The following BZW2 variants were observed in gnomAD, a reference collection of about 807,000 sequenced individuals.
BZW2 encodes the protein basic leucine zipper and W2 domains 2, also known as eIF5-mimic protein 1.
A neutral mutation model predicts 53.2 loss-of-function variants in BZW2; 23 were observed. That is an observed-to-expected ratio of 0.43 (90% CI 0.31 to 0.61). BZW2 has a LOEUF of 0.61. BZW2 is among the 20% of genes least tolerant of loss of function. BZW2 has a pLI of 0.09. For missense variants in BZW2, 409 were observed against 503.1 expected (o/e 0.81, Z 1.79); for synonymous variants, 227 against 186.4 (o/e 1.22, Z -1.77).
chr7:16,666,104 A>AT (rs1782417382), intron 2 of BZW2, among the ~76,000 whole-genome samples: 1 of 151,834 alleles, frequency 6.6e-6, no homozygotes, highest in Non-Finnish European at 1.5e-5. Flanking sequence ...TATTTTATAT[A>AT]TTTTTTTAGA....
chr7:16,678,952 CA>C lies in BZW2; in HGVS notation c.236-2347del, dbSNP rs1275572432. On this transcript the variant is annotated intron_variant, in intron 3 of 11. Coordinates refer to ENST00000258761, the MANE Select transcript of BZW2 (RefSeq NM_014038.3). ...ATGCTTCAAAGGCAATAAAATATCA[CA>C]AGGCAGATGGGGGCAGAGCAAGATC... Among the ~76,000 whole-genome samples, 20 of 152,150 alleles carry C rather than the reference CA, an allele frequency of 1.3e-4. No individual in the cohort carries two copies. The East Asian group carries it at 3.1e-3, about 24-fold the overall frequency.
chr7:16,658,671 T>C (rs1253594426), intron 1 of BZW2, among the ~76,000 whole-genome samples: 4 of 151,864 alleles, frequency 2.6e-5, no homozygotes, highest in African/African-American at 4.8e-5. Context: ...GGTCAGGAGA[T>C]TGAGATCAGC....
At chr7:16,662,358 C>T (rs774067735) in intron 1 of BZW2, 2 of 152,018 alleles carry the variant, frequency 1.3e-5, no homozygotes, top group African/African-American at 4.8e-5. Flanking sequence ...TGGAATGTAT[C>T]GAGGGTATGA....
chr7:16,663,940 C>G (rs1449092127), intron 1 of BZW2, among the ~76,000 whole-genome samples: 1 of 152,100 alleles, frequency 6.6e-6, no homozygotes, highest in African/African-American at 2.4e-5. Flanking sequence ...GTATAAAGTA[C>G]TCAAATCCCT....
intron 3 of BZW2, among the ~76,000 whole-genome samples, chr7:16,679,463 C>A (rs556626574): frequency 6.6e-6 from 1 of 152,274 alleles, no homozygotes; most frequent in African/African-American, 2.4e-5. Context: ...TGAAAATAGA[C>A]TCTTGAAGGG....
At position 16,666,382 on chromosome 7, in the gene BZW2, A is replaced by G. The variant is rs534663358; in HGVS notation, c.58+881A>G. On this transcript the variant is annotated intron_variant, in intron 2 of 11. Coordinates refer to ENST00000258761, the MANE Select transcript of BZW2 (RefSeq NM_014038.3). ...GTGAGCCACTGCACCTGGCCTGTAT[A>G]AAAGACTTTTATTTATTTATTTATT... 3.2e-4 allele frequency among the ~76,000 whole-genome samples: 34 copies of G among 107,394 alleles called. No individual in the cohort carries two copies. The East Asian group carries it at 7.2e-3, about 23-fold the overall frequency. 70.5% of individuals were successfully genotyped at this position (107,394 alleles called of 152,430 possible).
intron 7 of BZW2, among the ~76,000 whole-genome samples, chr7:16,690,389 G>A (rs1490759375): frequency 1.3e-5 from 2 of 151,912 alleles, no homozygotes; most frequent in African/African-American, 4.8e-5. Context: ...TTTTTTAATA[G>A]AGACGGGGTT....
At chr7:16,650,855 G>A (rs1171880993) in intron 1 of BZW2, among the ~76,000 whole-genome samples, 1 of 152,156 alleles carries the variant, frequency 6.6e-6, no homozygotes, top group East Asian at 1.9e-4. Flanking sequence ...AGTGAAGAGT[G>A]CCAAAATTGT....
chr7:16,670,850 C>T (rs1200912148), intron 2 of BZW2, among the ~76,000 whole-genome samples: 2 of 152,158 alleles, frequency 1.3e-5, no homozygotes, highest in Non-Finnish European at 2.9e-5. Flanking sequence ...GACTTTTTAT[C>T]TCTTGTTCAT....
intron 3 of BZW2, among the ~76,000 whole-genome samples, chr7:16,675,919 A>G (rs1296510162): frequency 6.6e-6 from 1 of 152,102 alleles, no homozygotes; most frequent in Non-Finnish European, 1.5e-5. Flanking sequence ...GTGTCTATAA[A>G]AAAATACAAA....
At chr7:16,663,231 A>G (rs576671588) in intron 1 of BZW2, among the ~76,000 whole-genome samples, 12 of 152,290 alleles carry the variant, frequency 7.9e-5, no homozygotes, top group East Asian at 1.9e-4. Flanking sequence ...TAAGCAATCA[A>G]TTACTTTATT....
At chr7:16,670,392 T>C (rs1199176351) in intron 2 of BZW2, among the ~76,000 whole-genome samples, 1 of 152,244 alleles carries the variant, frequency 6.6e-6, no homozygotes, top group Non-Finnish European at 1.5e-5. Context: ...TTTATCCATT[T>C]ACATTTCCCA....
intron 1 of BZW2, among the ~76,000 whole-genome samples, chr7:16,655,348 G>GT (rs1162057835): frequency 1.3e-5 from 2 of 152,074 alleles, no homozygotes; most frequent in Non-Finnish European, 2.9e-5. Flanking sequence ...GCTGGAAAAT[G>GT]TTTTTTTAAA....
At chr7:16,665,937 C>CT (rs1782410573) in intron 2 of BZW2, among the ~76,000 whole-genome samples, 1 of 152,132 alleles carries the variant, frequency 6.6e-6, no homozygotes, top group East Asian at 1.9e-4. Context: ...AATAAATCTA[C>CT]TGCCCTAAAT....
At chr7:16,660,878 C>T (rs1782241484) in intron 1 of BZW2, among the ~76,000 whole-genome samples, 1 of 152,068 alleles carries the variant, frequency 6.6e-6, no homozygotes, top group Non-Finnish European at 1.5e-5. Context: ...TGGTCCACCA[C>T]TTGTTGTGTT....
chr7:16,698,089 G>A lies in BZW2; in HGVS notation c.1011G>A (p.Gln337=). 6.2e-7 allele frequency: 1 copy of A among 1,614,186 alleles called. No individual in the cohort carries two copies. Among genetic ancestry groups the A allele is most frequent in the Non-Finnish European group, 8.5e-7 (1 of 1,180,010 alleles). ...TGGCCGTGTTCAGCTCCCAAGGCCA[G>A]TCAGAGCTGATCCTCCTCCAGAAGG... ...PLLAVFSSQG[Q]SELILLQKVQ... The change falls in exon 10 of 12, where the codon CAG becomes CAA. Residue 337 remains glutamine (Q), a synonymous_variant. Coordinates refer to ENST00000258761, the MANE Select transcript of BZW2 (RefSeq NM_014038.3).
intron 10 of BZW2, among the ~76,000 whole-genome samples, chr7:16,703,597 A>G (rs1240093743): frequency 2.0e-5 from 3 of 152,188 alleles, no homozygotes; most frequent in African/African-American, 7.2e-5. Flanking sequence ...TCTCGGGGAC[A>G]ATAATAAATG....
At chr7:16,679,854 A>C (rs574555451) in intron 3 of BZW2, among the ~76,000 whole-genome samples, 1 of 152,220 alleles carries the variant, frequency 6.6e-6, no homozygotes, top group Non-Finnish European at 1.5e-5. Context: ...ATTACAACGA[A>C]GTAAAATTAG....
In BZW2 at chr7:16,696,925, A is replaced by G. The variant is rs765101857; in HGVS notation, c.833A>G (p.Tyr278Cys). 1 of 1,614,038 alleles carries G rather than the reference A, an allele frequency of 6.2e-7. No individual in the cohort carries two copies. Among genetic ancestry groups the G allele is most frequent in the South Asian group, 1.1e-5 (1 of 91,066 alleles). ...QECPIKEVVL[Y>C]VKEEMKRNDL... is the part of the protein sequence containing the mutation. ...TTCCATGTAATGTAGGTGGTGCTTT[A>G]TGTCAAAGAAGAAATGAAGAGGAAT... Residue 278 changes from tyrosine (Y) to cysteine (C), a missense_variant, in exon 9 of 12, where the codon TAT (tyrosine) becomes TGT (cysteine). Coordinates refer to ENST00000258761, the MANE Select transcript of BZW2 (RefSeq NM_014038.3).
Sources: gnomAD v4.1 joint callset for allele counts (sites outside exome capture counted in the v4.1 genomes callset) on GRCh38, gnomAD v4.1.1 for gene constraint, MANE v1.5 for transcripts, NCBI Gene and HGNC (gene_info 2026-07-23, HGNC 2026-07-21) for gene names.